The following PIP5K1B variants were observed in gnomAD, a reference collection of about 807,000 sequenced individuals.
PIP5K1B encodes phosphatidylinositol-4-phosphate 5-kinase type 1 beta.
PIP5K1B carries 42 observed loss-of-function variants against 67.0 expected under a neutral mutation model. The ratio of observed to expected loss-of-function variants is 0.63; its 90% CI spans 0.49 to 0.81. The LOEUF (loss-of-function observed/expected upper bound fraction) is 0.81. Ranked by LOEUF, PIP5K1B falls within the 30% of genes least tolerant of loss-of-function variation. The pLI is 0.00. For missense variants in PIP5K1B, 459 were observed against 646.3 expected, an observed-to-expected ratio of 0.71 and a Z score of 3.14; for synonymous variants, 214 against 231.4, an observed-to-expected ratio of 0.92 and a Z score of 0.68.
At chr9:68,863,361 T>C (rs897014026) in intron 4 of PIP5K1B, among the ~76,000 whole-genome samples, 2 of 152,196 alleles carry the variant, frequency 1.3e-5, no homozygotes, top group Non-Finnish European at 2.9e-5. Context: ...TATTCTGTTA[T>C]TTCTCCTATT....
intron 2 of PIP5K1B, among the ~76,000 whole-genome samples, chr9:68,799,403 A>T (rs1248496388): frequency 1.3e-5 from 2 of 152,200 alleles, no homozygotes; most frequent in Admixed American, 1.3e-4. Context: ...AATTAAATTC[A>T]TATGGAACCA....
chr9:68,744,339 A>G (rs1829168170), intron 2 of PIP5K1B, among the ~76,000 whole-genome samples: 1 of 152,184 alleles, frequency 6.6e-6, no homozygotes, highest in South Asian at 2.1e-4. Flanking sequence ...CAACTTCATC[A>G]AGTCTCCCAC....
chr9:68,748,229 T>G (rs935686209), intron 2 of PIP5K1B, among the ~76,000 whole-genome samples: 2 of 152,236 alleles, frequency 1.3e-5, no homozygotes, highest in Non-Finnish European at 2.9e-5. Context: ...TTCATTCCTT[T>G]TTACAGCTGA....
chr9:68,959,694 T>C (rs1265214870), intron 14 of PIP5K1B, among the ~76,000 whole-genome samples: 1 of 152,228 alleles, frequency 6.6e-6, no homozygotes, highest in Non-Finnish European at 1.5e-5. Context: ...CATAAACATA[T>C]TCGCAACTGT....
chr9:68,780,212 G>A lies in PIP5K1B; in HGVS notation c.-86+37555G>A, dbSNP rs895675678. The A allele has an allele frequency of 2.0e-5, 31 of 1,538,070 alleles. No homozygotes were observed. The South Asian group carries it at 3.5e-4, about 17-fold the overall frequency. The stretch of plus-strand genomic sequence containing the variant: ...TAGACCTGGAGCTGCCTCCGGGTAC[G>A]GGCGGGAGCCCGGCGGAGGGCGGTG... On this transcript the variant is annotated intron_variant, in intron 2 of 15. Transcript: ENST00000265382.
chr9:68,990,788 T>A (rs1564298714), intron 14 of PIP5K1B, among the ~76,000 whole-genome samples: 3 of 151,748 alleles, frequency 2.0e-5, no homozygotes, highest in Non-Finnish European at 1.5e-5. Context: ...CTCAGCCTCC[T>A]GAGTAGCTGG....
intron 14 of PIP5K1B, among the ~76,000 whole-genome samples, chr9:68,947,303 C>T (rs935454996): frequency 4.6e-5 from 7 of 152,112 alleles, no homozygotes; most frequent in Admixed American, 1.3e-4. Flanking sequence ...GGGACAGTGG[C>T]GGAGGATGCT....
chr9:68,808,584 C>T (rs1832997292), intron 2 of PIP5K1B, among the ~76,000 whole-genome samples: 1 of 152,214 alleles, frequency 6.6e-6, no homozygotes, highest in African/African-American at 2.4e-5. Flanking sequence ...CGACTTTCTT[C>T]TGTCTAATGT....
At chr9:68,950,455 G>A (rs1343510144) in intron 14 of PIP5K1B, among the ~76,000 whole-genome samples, 1 of 152,170 alleles carries the variant, frequency 6.6e-6, no homozygotes, top group Non-Finnish European at 1.5e-5. Context: ...CCCTTCCCAG[G>A]AGCTTGTCCA....
At chr9:68,744,388 T>C (rs1829170620) in intron 2 of PIP5K1B, among the ~76,000 whole-genome samples, 1 of 152,262 alleles carries the variant, frequency 6.6e-6, no homozygotes, top group Non-Finnish European at 1.5e-5. Flanking sequence ...GCATTTCCCC[T>C]GTTTTTTGGA....
chr9:68,725,566 G>C (rs1828111106), intron 1 of PIP5K1B, among the ~76,000 whole-genome samples: 1 of 152,140 alleles, frequency 6.6e-6, no homozygotes, highest in Non-Finnish European at 1.5e-5. Context: ...CCCCATAAAG[G>C]AGAATTCTCT....
At chr9:68,811,474 T>A (rs766112501) in intron 2 of PIP5K1B, among the ~76,000 whole-genome samples, 1 of 152,042 alleles carries the variant, frequency 6.6e-6, no homozygotes, top group African/African-American at 2.4e-5. Context: ...CAGGATGTTC[T>A]CCCCCAACCT....
chr9:68,755,805 T>C (rs1427861160), intron 2 of PIP5K1B, among the ~76,000 whole-genome samples: 2 of 152,200 alleles, frequency 1.3e-5, no homozygotes, highest in Non-Finnish European at 2.9e-5. Flanking sequence ...AGCCGGAGGA[T>C]GAATCGCAGG....
chr9:68,787,168 G>A (rs537176229), intron 2 of PIP5K1B, among the ~76,000 whole-genome samples: 10 of 152,278 alleles, frequency 6.6e-5, no homozygotes, highest in African/African-American at 2.4e-4. Context: ...TCTGTAAAGG[G>A]AAGTGAGTAG....
At chr9:68,772,976 C>T (rs1164423448) in intron 2 of PIP5K1B, among the ~76,000 whole-genome samples, 1 of 152,148 alleles carries the variant, frequency 6.6e-6, no homozygotes, top group Non-Finnish European at 1.5e-5. Flanking sequence ...AAGGCTGCAT[C>T]CCCACTTCAT....
chr9:68,710,939 G>C (rs1042086906), intron 1 of PIP5K1B, among the ~76,000 whole-genome samples: 1 of 152,184 alleles, frequency 6.6e-6, no homozygotes, highest in Non-Finnish European at 1.5e-5. Context: ...GTTTGGTATT[G>C]CTCCTGGTTT....
chr9:68,869,981 A>G (rs1294931443), intron 5 of PIP5K1B, among the ~76,000 whole-genome samples: 3 of 152,192 alleles, frequency 2.0e-5, no homozygotes, highest in African/African-American at 7.2e-5. Flanking sequence ...AAGCCATAAT[A>G]TGATGCTCCT....
intron 14 of PIP5K1B, among the ~76,000 whole-genome samples, chr9:68,965,175 G>T (rs1257905515): frequency 2.6e-5 from 4 of 151,854 alleles, no homozygotes; most frequent in African/African-American, 9.7e-5. Context: ...AAATAATATC[G>T]ACTTCACAAG....
At chr9:68,807,935 C>T (rs558966970) in intron 2 of PIP5K1B, among the ~76,000 whole-genome samples, 1 of 152,306 alleles carries the variant, frequency 6.6e-6, no homozygotes, top group African/African-American at 2.4e-5. Context: ...CAGTGGCTCA[C>T]ACCTGTAATC....
Sources: gnomAD v4.1 joint callset for allele counts (sites outside exome capture counted in the v4.1 genomes callset) on GRCh38, gnomAD v4.1.1 for gene constraint, MANE v1.5 for transcripts, NCBI Gene and HGNC (gene_info 2026-07-23, HGNC 2026-07-21) for gene names.